The following DCDC2 variants were observed in gnomAD, a reference collection of about 807,000 sequenced individuals.
The protein encoded by DCDC2 is doublecortin domain-containing protein 2.
A neutral mutation model predicts 50.2 loss-of-function variants in DCDC2; 40 were observed. That is an observed-to-expected ratio of 0.80 (90% CI 0.62 to 1.04). The LOEUF is 1.04. Ranked by LOEUF, DCDC2 falls within the 50% of genes least tolerant of loss-of-function variation. DCDC2 has a pLI of 0.00. For synonymous variants in DCDC2, 234 were observed against 210.6 expected (o/e 1.11, Z -0.96); for missense variants, 570 against 581.9 (o/e 0.98, Z 0.21).
the DCDC2 span, among the ~76,000 whole-genome samples, chr6:24,370,766 T>TA: frequency 6.6e-6 from 1 of 152,170 alleles, no homozygotes; most frequent in Non-Finnish European, 1.5e-5. Context: ...TATAACATGT[T>TA]AAAAAACATG....
In DCDC2 at chr6:24,173,472, A is replaced by G. The variant is rs947782335; in HGVS notation, c.*1258T>C. The G allele has an allele frequency of 1.3e-5, 2 of 152,146 alleles. No individual in the cohort carries two copies. The highest frequency in any genetic ancestry group is 2.9e-5 in the Non-Finnish European group (2 of 67,998). 9.4% of individuals were successfully genotyped at this position (152,146 alleles called of 1,614,324 possible). ...CCTTTAAGAAAAATATATTATTTCTATATTTATGGAAGAACATCTCTTAAG... is the reference window on the plus strand; with the variant it reads ...CCTTTAAGAAAAATATATTATTTCTGTATTTATGGAAGAACATCTCTTAAG... On this transcript the variant is annotated 3_prime_UTR_variant, in exon 10 of 10. Transcript: ENST00000378454.
In DCDC2 at chr6:24,353,624, C is replaced by T; in HGVS notation, c.294-1G>A. 2 of 1,577,644 alleles carry T rather than the reference C, an allele frequency of 1.3e-6. No individual in the cohort carries two copies. The highest frequency in any genetic ancestry group is 8.6e-7 in the Non-Finnish European group (1 of 1,160,678). Reference sequence around the variant, plus strand: ...CTTGATTTCTCCTATGTCCAAGTAACTGAGGAAAAAACAAACAAACAATAA... The same window carrying T: ...CTTGATTTCTCCTATGTCCAAGTAATTGAGGAAAAAACAAACAAACAATAA... On this transcript the variant is annotated splice_acceptor_variant, in intron 1 of 9. Coordinates refer to ENST00000378454, the MANE Select transcript of DCDC2 (RefSeq NM_016356.5). LOFTEE classifies it high-confidence loss of function.
At chr6:24,377,767 C>T in the DCDC2 span, among the ~76,000 whole-genome samples, 2 of 152,186 alleles carry the variant, frequency 1.3e-5, no homozygotes, top group Admixed American at 1.3e-4. Flanking sequence ...GGGGGTGGAT[C>T]ACCTGAGGTC....
At chr6:24,301,370 C>CAAA (rs59055669) in intron 4 of DCDC2, among the ~76,000 whole-genome samples, 1,307 of 63,398 alleles carry the variant, frequency 0.021, 142 homozygotes, top group African/African-American at 0.08. Flanking sequence ...GGCTCCATCT[C>CAAA]AAAAAAAAAA....
chr6:24,380,482 A>G, the DCDC2 span, among the ~76,000 whole-genome samples: 1 of 152,212 alleles, frequency 6.6e-6, no homozygotes, highest in Non-Finnish European at 1.5e-5. Flanking sequence ...CAAAGTATCA[A>G]GGAAGGAGAT....
At chr6:24,371,283 AAAAAAAAAAAGAAAAG>A in the DCDC2 span, among the ~76,000 whole-genome samples, 3 of 135,806 alleles carry the variant, frequency 2.2e-5, no homozygotes, top group African/African-American at 7.9e-5. Flanking sequence ...TCTCAAAAAA[AAAAAAAAAAAGAAAAG>A]AAAAGAAAAA....
At chr6:24,209,044 C>T (rs1012108987) in intron 7 of DCDC2, among the ~76,000 whole-genome samples, 1 of 152,072 alleles carries the variant, frequency 6.6e-6, no homozygotes, top group African/African-American at 2.4e-5. Flanking sequence ...CAAAGAATTG[C>T]CAACAAGGCC....
intron 2 of DCDC2, among the ~76,000 whole-genome samples, chr6:24,320,874 AATTT>A (rs1011168214): frequency 1.3e-5 from 2 of 152,044 alleles, no homozygotes; most frequent in South Asian, 2.1e-4. Flanking sequence ...TTGGAGAAAC[AATTT>A]ATTCCAGGGC....
intron 2 of DCDC2, among the ~76,000 whole-genome samples, chr6:24,327,923 T>C (rs1200890271): frequency 6.6e-6 from 1 of 152,224 alleles, no homozygotes; most frequent in Admixed American, 6.5e-5. Flanking sequence ...TTTAGCTTGA[T>C]GCATTCTTTG....
intron 7 of DCDC2, among the ~76,000 whole-genome samples, chr6:24,229,441 T>C (rs896587523): frequency 6.6e-6 from 1 of 152,184 alleles, no homozygotes; most frequent in Admixed American, 6.5e-5. Context: ...ATCATCTCCC[T>C]ATTCCAAGGT....
intron 7 of DCDC2, among the ~76,000 whole-genome samples, chr6:24,266,171 C>T (rs1368829226): frequency 6.6e-6 from 1 of 152,018 alleles, no homozygotes; most frequent in Non-Finnish European, 1.5e-5. Flanking sequence ...ACCCCGATAT[C>T]TCACCATATA....
intron 2 of DCDC2, among the ~76,000 whole-genome samples, chr6:24,349,647 G>A (rs973221662): frequency 6.6e-6 from 1 of 152,112 alleles, no homozygotes; most frequent in Non-Finnish European, 1.5e-5. Flanking sequence ...GGTGGGACAC[G>A]AGGAAGCAAA....
rs187638586 is a variant in DCDC2, at chr6:24,267,677, A to G, written c.922+10372T>C. On this transcript the variant is annotated intron_variant, in intron 7 of 9. Coordinates refer to ENST00000378454, the MANE Select transcript of DCDC2 (RefSeq NM_016356.5). ...TCTCCACAGAAAAGACACAAAAGCA[A>G]TTTTCATAATGACAGTAAGGGAAAA... Among the ~76,000 whole-genome samples the G allele has an allele frequency of 1.1e-3, 175 of 152,268 alleles. 1 individual carries two copies. Among genetic ancestry groups the G allele is most frequent in the Non-Finnish European group, 6.2e-4 (42 of 68,008 alleles).
At chr6:24,381,997 AAGGAAGGAAGGAAGGC>A in the DCDC2 span, among the ~76,000 whole-genome samples, 2,673 of 118,546 alleles carry the variant, frequency 0.023, 77 homozygotes, top group African/African-American at 0.068. Context: ...GGAAGGAAGG[AAGGAAGGAAGGAAGGC>A]AGGCAAGCTA....
chr6:24,181,329 TAACA>T (rs1402020278), intron 8 of DCDC2, among the ~76,000 whole-genome samples: 3 of 152,186 alleles, frequency 2.0e-5, no homozygotes, highest in African/African-American at 7.2e-5. Context: ...CTCCAATCTC[TAACA>T]AAGAGAATAA....
At chr6:24,351,853 C>A (rs1343051354) in intron 2 of DCDC2, among the ~76,000 whole-genome samples, 3 of 152,258 alleles carry the variant, frequency 2.0e-5, no homozygotes, top group Admixed American at 6.5e-5. Context: ...TGCCAGTAAT[C>A]CCAGCACTTT....
At chr6:24,350,739 C>A (rs1048750705) in intron 2 of DCDC2, among the ~76,000 whole-genome samples, 1 of 152,132 alleles carries the variant, frequency 6.6e-6, no homozygotes, top group African/African-American at 2.4e-5. Flanking sequence ...AAAAATAATT[C>A]TCTATTGATC....
chr6:24,232,239 C>T (rs1762351831), intron 7 of DCDC2, among the ~76,000 whole-genome samples: 1 of 152,118 alleles, frequency 6.6e-6, no homozygotes, highest in Non-Finnish European at 1.5e-5. Context: ...CTCAATTAAC[C>T]AGGCACAGAA....
chr6:24,231,142 C>G (rs558638730), intron 7 of DCDC2, among the ~76,000 whole-genome samples: 1 of 152,216 alleles, frequency 6.6e-6, no homozygotes, highest in Non-Finnish European at 1.5e-5. Context: ...TGCTGGGTGC[C>G]AGGTCCCTTT....
Sources: gnomAD v4.1 joint callset for allele counts (sites outside exome capture counted in the v4.1 genomes callset) on GRCh38, gnomAD v4.1.1 for gene constraint, MANE v1.5 for transcripts, NCBI Gene and HGNC (gene_info 2026-07-23, HGNC 2026-07-21) for gene names.